IZUMO2: variants seen among roughly 807,000 people sequenced by gnomAD.
IZUMO2 encodes the protein IZUMO family member 2.
IZUMO2 carries 24 observed loss-of-function variants against 31.2 expected under a neutral mutation model. That is an observed-to-expected ratio of 0.77 (90% CI 0.56 to 1.08). The LOEUF is 1.08. IZUMO2 is among the 50% of genes least tolerant of loss of function. The pLI is 0.00. For synonymous variants in IZUMO2, 144 were observed against 117.3 expected, an observed-to-expected ratio of 1.23 and a Z score of -1.47; for missense variants, 278 against 274.0, an observed-to-expected ratio of 1.01 and a Z score of -0.10.
intron 2 of IZUMO2, among the ~76,000 whole-genome samples, chr19:50,161,078 C>T (rs1374453619): frequency 6.6e-6 from 1 of 151,960 alleles, no homozygotes; most frequent in Non-Finnish European, 1.5e-5. Context: ...ATTCTAATTG[C>T]TCAATTCAAA....
rs1324553941 is a variant in IZUMO2 at position 50,154,583 on chromosome 19, G to A, written c.623+17C>T. Reference sequence around the variant, plus strand: ...TGGGTTCCACGGGGGACTGAGGAGGGGGCAAGGATGACTCACGAGACCACG... The same window carrying A: ...TGGGTTCCACGGGGGACTGAGGAGGAGGCAAGGATGACTCACGAGACCACG... On this transcript the variant is annotated intron_variant, in intron 6 of 6. Transcript: ENST00000293405. The A allele has an allele frequency of 2.5e-6, 4 of 1,613,438 alleles. No individual in the cohort carries two copies. The highest frequency in any genetic ancestry group is 3.4e-6 in the Non-Finnish European group (4 of 1,179,754).
At chr19:50,158,493 C>G (rs990865560) in intron 4 of IZUMO2, 145 bp from the exon 5 acceptor site, 1 of 495,402 alleles carries the variant, frequency 2.0e-6, no homozygotes, top group Non-Finnish European at 3.6e-6. Context: ...AGGAACTAAG[C>G]AAAATGCACT....
intron 5 of IZUMO2, among the ~76,000 whole-genome samples, chr19:50,156,588 C>G (rs1403681710): frequency 6.6e-6 from 1 of 151,190 alleles, no homozygotes; most frequent in African/African-American, 2.4e-5. Flanking sequence ...TTTTCAATGC[C>G]AATGTCATGG....
At chr19:50,158,743 T>G (rs981840748) in intron 4 of IZUMO2, among the ~76,000 whole-genome samples, 5 of 152,166 alleles carry the variant, frequency 3.3e-5, no homozygotes, top group Non-Finnish European at 7.4e-5. Flanking sequence ...TGCCTTTCAG[T>G]AAACTGTGAC....
intron 5 of IZUMO2, among the ~76,000 whole-genome samples, chr19:50,155,842 C>CA (rs1471437953): frequency 6.6e-6 from 1 of 152,210 alleles, no homozygotes; most frequent in Non-Finnish European, 1.5e-5. Context: ...AGCCCTGCAC[C>CA]ATCTGGTTCC....
rs2030065220 is a variant in IZUMO2 at position 50,152,630 on chromosome 19, G to A, written c.645C>T (p.Asn215=). The change falls in exon 7 of 7, where the codon AAC becomes AAT. Residue 215 remains asparagine, a synonymous_variant. Coordinates refer to ENST00000293405, the MANE Select transcript of IZUMO2 (RefSeq NM_152358.3). The part of the protein sequence containing the change: ...IVVSACTYRQ[N]RKLLLQ ...CGTCCTACTGCAGCAGGAGTTTTCG[G>A]TTTTGTCTGTATGTACAAGCCCTGG... The A allele has an allele frequency of 1.2e-6, 2 of 1,613,450 alleles. No homozygotes were observed. The highest frequency in any genetic ancestry group is 1.7e-6 in the Non-Finnish European group (2 of 1,179,560).
chr19:50,155,399 G>GAAAAA (rs2030181086), intron 5 of IZUMO2, among the ~76,000 whole-genome samples: 1 of 152,164 alleles, frequency 6.6e-6, no homozygotes, highest in Non-Finnish European at 1.5e-5. Context: ...CCCTGTCTCA[G>GAAAAA]AAAACAAAAC....
intron 5 of IZUMO2, 78 bp downstream of exon 5, chr19:50,158,190 A>T: frequency 1.1e-6 from 1 of 876,194 alleles, no homozygotes; most frequent in Non-Finnish European, 1.8e-6. Flanking sequence ...GAGCCTCGAA[A>T]CCCATATCTA....
intron 5 of IZUMO2, among the ~76,000 whole-genome samples, chr19:50,156,698 G>C (rs555781281): frequency 5.7e-4 from 87 of 152,150 alleles, no homozygotes; most frequent in African/African-American, 2.0e-3. Flanking sequence ...GCTGAGGTGG[G>C]CGAATCATTT....
At chr19:50,159,378 G>A (rs1303320193) in intron 3 of IZUMO2, 116 bp downstream of exon 3, 1 of 1,253,202 alleles carries the variant, frequency 8.0e-7, no homozygotes, top group Non-Finnish European at 1.2e-6. Context: ...GGGGAGAGAT[G>A]AAGAAGGCTG....
intron 6 of IZUMO2, among the ~76,000 whole-genome samples, chr19:50,153,162 A>C (rs2030084275): frequency 2.0e-5 from 3 of 152,194 alleles, no homozygotes; most frequent in Admixed American, 6.5e-5. Context: ...AGATGGACAC[A>C]CAGAAAACAA....
intron 2 of IZUMO2, among the ~76,000 whole-genome samples, chr19:50,161,180 A>G (rs1277533807): frequency 6.8e-6 from 1 of 146,892 alleles, no homozygotes; most frequent in Non-Finnish European, 1.5e-5. Flanking sequence ...GCTGGAGTGC[A>G]ATGGCGCAAT....
chr19:50,155,555 C>A (rs1188838187), intron 5 of IZUMO2, among the ~76,000 whole-genome samples: 2 of 152,182 alleles, frequency 1.3e-5, no homozygotes, highest in Non-Finnish European at 2.9e-5. Flanking sequence ...CCACTTGCCT[C>A]CCACCACCAA....
At chr19:50,158,201 G>T in intron 5 of IZUMO2, 67 bp downstream of exon 5, 1 of 1,000,718 alleles carries the variant, frequency 1.0e-6, no homozygotes, top group Non-Finnish European at 1.5e-6. Flanking sequence ...CCCATATCTA[G>T]TGGGTCATGG....
chr19:50,162,999 G>A lies in IZUMO2; in HGVS notation c.196C>T (p.Arg66Trp). 2 of 1,611,544 alleles carry A rather than the reference G, an allele frequency of 1.2e-6. No homozygotes were observed. Among genetic ancestry groups the A allele is most frequent in the Middle Eastern group, 1.7e-4 (1 of 6,048 alleles). The change falls in exon 1 of 7, where the codon CGG becomes TGG. Residue 66 changes from arginine to tryptophan, a missense_variant. Transcript: ENST00000293405. ...ACAAACACGTTCAGCGCGTAGTCCC[G>A]GAAGAAAGGCCCCTCCATGCCCATC... ...VLMGMEGPFFRDYALNVFVGK... is the reference protein window; with the variant it reads ...VLMGMEGPFFWDYALNVFVGK...
chr19:50,156,806 A>T (rs1490774462), intron 5 of IZUMO2, among the ~76,000 whole-genome samples: 1 of 152,202 alleles, frequency 6.6e-6, no homozygotes, highest in Non-Finnish European at 1.5e-5. Context: ...CTAGATTTTA[A>T]AAAGAAGAGA....
intron 6 of IZUMO2, among the ~76,000 whole-genome samples, chr19:50,154,046 G>C (rs905035988): frequency 2.0e-5 from 3 of 148,746 alleles, no homozygotes; most frequent in Admixed American, 6.8e-5. Context: ...AAGAGGCAGC[G>C]AGATAAGCTT....
rs1568438738 is a variant in IZUMO2, at chr19:50,159,596, G to A, written c.308-16C>T. The A allele has an allele frequency of 6.3e-7, 1 of 1,578,504 alleles. No individual in the cohort carries two copies. Among genetic ancestry groups the A allele is most frequent in the East Asian group, 2.2e-5 (1 of 44,696 alleles). ...AGAGGCTCATCTGAGGAGAGAAAGA[G>A]ATCTCTGTGGGGTGGGAGGCACCCA... On this transcript the variant is annotated splice_polypyrimidine_tract_variant and intron_variant, in intron 2 of 6. Transcript: ENST00000293405.
chr19:50,162,414 C>G (rs1408350908), intron 2 of IZUMO2, among the ~76,000 whole-genome samples: 1 of 152,054 alleles, frequency 6.6e-6, no homozygotes, highest in African/African-American at 2.4e-5. Flanking sequence ...TTGAGACCAG[C>G]CTGGGCAATA....
Sources: gnomAD v4.1 joint callset for allele counts (sites outside exome capture counted in the v4.1 genomes callset) on GRCh38, gnomAD v4.1.1 for gene constraint, MANE v1.5 for transcripts, NCBI Gene and HGNC (gene_info 2026-07-23, HGNC 2026-07-21) for gene names.